Variants in SLIT3 observed in about 807,000 individuals in gnomAD.
SLIT3 encodes slit homolog 3 protein.
SLIT3 carries 68 observed loss-of-function variants against 184.0 expected under a neutral mutation model. The observed-to-expected ratio is 0.37, with a 90% CI of 0.30 to 0.45. SLIT3 has a LOEUF of 0.45. Ranked by LOEUF, SLIT3 falls within the 20% of genes least tolerant of loss-of-function variation. The pLI is 1.00. For missense variants in SLIT3, 1,707 were observed against 2,026.0 expected (o/e 0.84, Z 3.02); for synonymous variants, 831 against 828.6 (o/e 1.00, Z -0.05).
chr5:169,231,238 A>G (rs1027762452), intron 3 of SLIT3, among the ~76,000 whole-genome samples: 2 of 152,160 alleles, frequency 1.3e-5, no homozygotes, highest in Non-Finnish European at 2.9e-5. Context: ...ACACGTACAG[A>G]AAAATGTACA....
At chr5:169,110,278 A>G (rs1244830379) in intron 4 of SLIT3, among the ~76,000 whole-genome samples, 1 of 152,182 alleles carries the variant, frequency 6.6e-6, no homozygotes, top group Non-Finnish European at 1.5e-5. Flanking sequence ...ACAGCTTATC[A>G]TTTACAGAAA....
chr5:169,006,478 A>C (rs926934357), intron 4 of SLIT3, among the ~76,000 whole-genome samples: 1 of 151,894 alleles, frequency 6.6e-6, no homozygotes, highest in African/African-American at 2.4e-5. Context: ...CATTACACAC[A>C]AGTTGTGGTC....
chr5:168,714,675 C>G (rs1762664382), intron 23 of SLIT3, among the ~76,000 whole-genome samples: 1 of 152,190 alleles, frequency 6.6e-6, no homozygotes, highest in Non-Finnish European at 1.5e-5. Flanking sequence ...GTTCTCCATC[C>G]TGGTTTGGCC....
intron 1 of SLIT3, among the ~76,000 whole-genome samples, chr5:169,257,649 C>T (rs527910941): frequency 2.2e-5 from 3 of 138,764 alleles, no homozygotes; most frequent in Non-Finnish European, 3.0e-5. Context: ...TGGGTTCAAG[C>T]GATTCTCCTT....
intron 4 of SLIT3, among the ~76,000 whole-genome samples, chr5:168,894,787 T>A (rs1760605504): frequency 6.6e-6 from 1 of 152,210 alleles, no homozygotes; most frequent in Non-Finnish European, 1.5e-5. Context: ...CAGCGTTTCA[T>A]CTCCAAGAAC....
chr5:168,976,366 G>T (rs924437112), intron 4 of SLIT3, among the ~76,000 whole-genome samples: 1 of 152,174 alleles, frequency 6.6e-6, no homozygotes. Flanking sequence ...TTTCAGGTGG[G>T]TGTGTAAGAG....
chr5:169,289,218 A>G (rs1767258827), intron 1 of SLIT3, among the ~76,000 whole-genome samples: 1 of 152,166 alleles, frequency 6.6e-6, no homozygotes, highest in African/African-American at 2.4e-5. Context: ...CTTACATCCA[A>G]ATTGTACTCC....
intron 1 of SLIT3, among the ~76,000 whole-genome samples, chr5:169,289,322 AG>A (rs1454558074): frequency 6.6e-6 from 1 of 152,256 alleles, no homozygotes; most frequent in Non-Finnish European, 1.5e-5. Flanking sequence ...GAGGAGAGAA[AG>A]AATGTCAGCA....
At chr5:169,275,734 C>T (rs1343848965) in intron 1 of SLIT3, among the ~76,000 whole-genome samples, 1 of 152,084 alleles carries the variant, frequency 6.6e-6, no homozygotes, top group Non-Finnish European at 1.5e-5. Flanking sequence ...GAAAGACCAG[C>T]CCCCATGATT....
intron 5 of SLIT3, among the ~76,000 whole-genome samples, chr5:168,862,970 C>G (rs1183268295): frequency 6.6e-6 from 1 of 152,190 alleles, no homozygotes; most frequent in Admixed American, 6.5e-5. Context: ...CCGCTGCGCC[C>G]AGACTGAACA....
intron 9 of SLIT3, among the ~76,000 whole-genome samples, chr5:168,803,636 G>A (rs1409780778): frequency 6.6e-6 from 1 of 152,204 alleles, no homozygotes; most frequent in Non-Finnish European, 1.5e-5. Context: ...CAGGGCTGGG[G>A]TGGGCTCACT....
intron 18 of SLIT3, chr5:168,752,435 C>A (rs1235321329): frequency 7.1e-6 from 1 of 141,274 alleles, no homozygotes; most frequent in Non-Finnish European, 1.5e-5. Context: ...TGCTCTGTCG[C>A]CTAGGCTGGA....
chr5:168,856,767 G>A (rs1256900602), intron 5 of SLIT3, among the ~76,000 whole-genome samples: 1 of 34,356 alleles, frequency 2.9e-5, no homozygotes, highest in Non-Finnish European at 5.7e-5. Context: ...TGAGTTCCTC[G>A]TGTGTGTGTG....
chr5:168,944,376 G>A (rs1762413253), intron 4 of SLIT3, among the ~76,000 whole-genome samples: 1 of 152,158 alleles, frequency 6.6e-6, no homozygotes, highest in African/African-American at 2.4e-5. Flanking sequence ...TCTCTTAATA[G>A]GCTGCTCCTT....
intron 4 of SLIT3, among the ~76,000 whole-genome samples, chr5:168,974,852 C>G (rs1036115706): frequency 6.6e-6 from 1 of 152,186 alleles, no homozygotes; most frequent in African/African-American, 2.4e-5. Context: ...TCAGGAAATC[C>G]CCAGAGGAGG....
chr5:169,128,514 C>T (rs1012491340), intron 4 of SLIT3, among the ~76,000 whole-genome samples: 10 of 152,042 alleles, frequency 6.6e-5, no homozygotes, highest in Non-Finnish European at 7.4e-5. Context: ...CCACAACCTG[C>T]GCCTCCTGGG....
Position 169,098,823 on chromosome 5 carries a change from T to TTTCTCTCCC in SLIT3, c.413+94647_413+94655dup, listed in dbSNP as rs927525555. On this transcript the variant is annotated intron_variant, in intron 4 of 35. Coordinates refer to ENST00000519560, the MANE Select transcript of SLIT3 (RefSeq NM_003062.4). Reference sequence around the variant, plus strand: ...CACATTTTTCCAACCTCTTTGTACTTTTCTCTCCCAAAGGAGCATTCCTTG... The same window carrying TTTCTCTCCC: ...CACATTTTTCCAACCTCTTTGTACTTTTCTCTCCCTTCTCTCCCAAAGGAGCATTCCTTG... Among the ~76,000 whole-genome samples, 9 of 152,150 alleles carry TTTCTCTCCC rather than the reference T, an allele frequency of 5.9e-5. 1 individual carries two copies. The highest frequency in any genetic ancestry group is 5.9e-4 in the Admixed American group (9 of 15,284).
intron 4 of SLIT3, among the ~76,000 whole-genome samples, chr5:169,179,799 G>T (rs1763098970): frequency 6.6e-6 from 1 of 152,152 alleles, no homozygotes; most frequent in Non-Finnish European, 1.5e-5. Context: ...TGACCATATA[G>T]TGAGAGGGAA....
chr5:168,679,755 T>TCGG (rs1281912708), intron 32 of SLIT3, among the ~76,000 whole-genome samples: 1 of 152,160 alleles, frequency 6.6e-6, no homozygotes, highest in African/African-American at 2.4e-5. Context: ...CCACACTCTC[T>TCGG]CGGCTCTGTC....
Sources: gnomAD v4.1 joint callset for allele counts (sites outside exome capture counted in the v4.1 genomes callset) on GRCh38, gnomAD v4.1.1 for gene constraint, MANE v1.5 for transcripts, NCBI Gene and HGNC (gene_info 2026-07-23, HGNC 2026-07-21) for gene names.